Variants in PTPN23 observed in about 807,000 individuals in gnomAD.
PTPN23 encodes tyrosine-protein phosphatase non-receptor type 23.
Under a neutral mutation model 156.3 loss-of-function variants are expected in PTPN23, and 72 were observed. That is an observed-to-expected ratio of 0.46 (90% CI 0.38 to 0.56). PTPN23 has a LOEUF of 0.56. PTPN23 is among the 20% of genes least tolerant of loss of function. The pLI, the probability that PTPN23 is intolerant of heterozygous loss-of-function variation, is 0.00. For synonymous variants in PTPN23, 957 were observed against 899.6 expected (o/e 1.06, Z -1.14); for missense variants, 1,974 against 2,171.5 (o/e 0.91, Z 1.81).
chr3:47,411,716 G>C lies in PTPN23; in HGVS notation c.3888+30G>C. ...GAAGAGGGGGTGGGTGCCCACGAGG[G>C]CAGTGTGGGGTGGCAGGGCAGGGGA... is the stretch of plus-strand genomic sequence containing the variant. On this transcript the variant is annotated intron_variant, in intron 20 of 24. Coordinates refer to ENST00000265562, the MANE Select transcript of PTPN23 (RefSeq NM_015466.4). The surrounding 1 kb of genome is among the most constrained non-coding windows in gnomAD (Gnocchi z 6.3). 6.3e-7 allele frequency: 1 copy of C among 1,595,936 alleles called. No homozygotes were observed. The highest frequency in any genetic ancestry group is 8.6e-7 in the Non-Finnish European group (1 of 1,167,700).
intron 19 of PTPN23, 30 bp downstream of exon 19, chr3:47,409,864 C>A: frequency 6.2e-7 from 1 of 1,600,104 alleles, no homozygotes; most frequent in Non-Finnish European, 8.5e-7. Context: ...TGTGGTGCGG[C>A]TCGGGTCCAG....
In PTPN23 at chr3:47,412,106, C is replaced by T; in HGVS notation, c.4086C>T (p.Asp1362=). The change falls in exon 22 of 25, where the codon GAC becomes GAT. Residue 1362 remains aspartate (D), a synonymous_variant. Transcript: ENST00000265562. The part of the protein sequence containing the change: ...FPTWPELGLP[D]SPSNLLRFIQ... ...TCCTGTCCCACAGAGGCCTGCCCGA[C>T]AGCCCCAGCAACTTGCTGCGCTTCA... 1.2e-6 allele frequency: 2 copies of T among 1,613,102 alleles called. No homozygotes were observed. Among genetic ancestry groups the T allele is most frequent in the Non-Finnish European group, 1.7e-6 (2 of 1,180,022 alleles).
At chr3:47,398,720 G>A (rs1481789130) in intron 2 of PTPN23, among the ~76,000 whole-genome samples, 3 of 151,984 alleles carry the variant, frequency 2.0e-5, no homozygotes, top group Admixed American at 1.3e-4. Flanking sequence ...GCACACCACC[G>A]CATCCAGCCA....
chr3:47,407,125 C>T lies in PTPN23; in HGVS notation c.808-5C>T, dbSNP rs1439379659. On this transcript the variant is annotated splice_polypyrimidine_tract_variant and splice_region_variant and intron_variant, in intron 9 of 24. Transcript: ENST00000265562. This position sits in a 1 kb window ranked among gnomAD's most constrained non-coding sequence, Gnocchi z 4.0. ...CAGAGCAGGCTTTCCTGCCACCCTC[C>T]ACAGGTTGCATACTTCCAGAGCGCC... 2 of 1,613,888 alleles carry T rather than the reference C, an allele frequency of 1.2e-6. No individual in the cohort carries two copies. Among genetic ancestry groups the T allele is most frequent in the African/African-American group, 2.7e-5 (2 of 74,902 alleles).
rs759844494 is a variant in PTPN23 at position 47,408,006 on chromosome 3, C to T, written c.1184+51C>T. 1.1e-5 allele frequency: 17 copies of T among 1,587,638 alleles called. 1 individual carries two copies. In the South Asian group the frequency reaches 1.8e-4, roughly 17 times the overall value. ...GCGGAGGCAGGCAGCACTTCCCGGG[C>T]CTCTGGGGGCCCCAGGGCTGCCTAT... On this transcript the variant is annotated intron_variant, in intron 14 of 24. Transcript: ENST00000265562.
In PTPN23 at chr3:47,410,641, C is replaced by T; in HGVS notation, c.2843C>T (p.Ala948Val). The T allele has an allele frequency of 1.9e-6, 3 of 1,611,926 alleles. No individual in the cohort carries two copies. The highest frequency in any genetic ancestry group is 1.3e-5 in the African/African-American group (1 of 74,858). Residue 948 changes from alanine to valine, a missense_variant, in exon 20 of 25, where the codon GCC becomes GTC. By Grantham distance (64) the Ala-to-Val change is moderately conservative. Coordinates refer to ENST00000265562, the MANE Select transcript of PTPN23 (RefSeq NM_015466.4). The stretch of plus-strand genomic sequence containing the variant: ...TCTGGGATCCCCGCAGGTTTTCCAG[C>T]CCCAAGGATTGGGCCCCAGCCCCAG... ...FSSGIPAGFP[A>V]PRIGPQPQPH...
chr3:47,412,691 ACTCT>A lies in PTPN23; in HGVS notation c.4432-14_4432-11del. The A allele has an allele frequency of 1.3e-6, 2 of 1,596,988 alleles. No individual in the cohort carries two copies. Among genetic ancestry groups the A allele is most frequent in the Non-Finnish European group, 1.7e-6 (2 of 1,169,596 alleles). ...GCCTTGGGACTCCCTCTCCTCACTC[ACTCT>A]GTCTTCTCAGAACCACCTTCCTCAG... On this transcript the variant is annotated splice_polypyrimidine_tract_variant and intron_variant, in intron 24 of 24. Coordinates refer to ENST00000265562, the MANE Select transcript of PTPN23 (RefSeq NM_015466.4).
Position 47,408,949 on chromosome 3 carries a change from A to C in PTPN23, c.1504A>C (p.Met502Leu), listed in dbSNP as rs572187526. The change falls in exon 16 of 25, where the codon ATG becomes CTG. Residue 502 changes from methionine (M) to leucine (L), a missense_variant. This residue lies in a region of PTPN23 where 726 missense variants were observed against 929.5 expected (regional missense o/e 0.78). Transcript: ENST00000265562. ...AEVRREWAKY[M>L]EVHEKASFTN... ...GGTGAGGCGAGAATGGGCCAAGTAC[A>C]TGGAAGTCCATGAGAAGGCCTCCTT... 36 of 1,614,108 alleles carry C rather than the reference A, an allele frequency of 2.2e-5. No homozygotes were observed. The highest frequency in any genetic ancestry group is 8.0e-5 in the African/African-American group (6 of 74,938).
intron 2 of PTPN23, among the ~76,000 whole-genome samples, chr3:47,397,577 C>G (rs1205987571): frequency 6.6e-6 from 1 of 152,188 alleles, no homozygotes. Flanking sequence ...CCAATCCTTG[C>G]AATAACCCAG....
At position 47,406,566 on chromosome 3, in the gene PTPN23, A is replaced by G. The variant is rs2107715370; in HGVS notation, c.713A>G (p.Lys238Arg). The change falls in exon 8 of 25, where the codon AAG (lysine) becomes AGG (arginine). Residue 238 changes from lysine (K) to arginine (R), a missense_variant. Lys to Arg is a conservative substitution (Grantham distance 26, BLOSUM62 2). Coordinates refer to ENST00000265562, the MANE Select transcript of PTPN23 (RefSeq NM_015466.4). This position sits in a 1 kb window ranked among gnomAD's most constrained non-coding sequence, Gnocchi z 5.8. ...CTGGGCCGGATCCAGAAGGACTGGA[A>G]GAAACTTGTGCAGATGAAGATCTAC... ...SLLGRIQKDW[K>R]KLVQMKIYYF... The G allele has an allele frequency of 6.2e-7, 1 of 1,613,996 alleles. No homozygotes were observed. The highest frequency in any genetic ancestry group is 8.5e-7 in the Non-Finnish European group (1 of 1,180,000).
chr3:47,406,869 T>A lies in PTPN23; in HGVS notation c.807+119T>A. 1 of 1,342,416 alleles carries A rather than the reference T, an allele frequency of 7.4e-7. No individual in the cohort carries two copies. The highest frequency in any genetic ancestry group is 1.0e-6 in the Non-Finnish European group (1 of 964,156). The allele number at this position is 1,342,416 out of a possible 1,614,324, so 83.2% of individuals were successfully genotyped here. A position where few individuals can be genotyped will look rare whatever the true frequency, so the allele number is the denominator to read the frequency against. ...CTCTGTCTCACCCTGGCCATCACCC[T>A]GCTGGAGGCCTGGTGTCTTAAGTGT... is the stretch of plus-strand genomic sequence containing the variant. On this transcript the variant is annotated intron_variant, in intron 9 of 24. Coordinates refer to ENST00000265562, the MANE Select transcript of PTPN23 (RefSeq NM_015466.4). This position sits in a 1 kb window ranked among gnomAD's most constrained non-coding sequence, Gnocchi z 5.8.
Position 47,405,956 on chromosome 3 carries a change from C to T in PTPN23, c.456C>T (p.Gly152=), listed in dbSNP as rs748500428. Residue 152 remains glycine, a synonymous_variant, in exon 6 of 25, where the codon GGC becomes GGT. Transcript: ENST00000265562. This position sits in a 1 kb window ranked among gnomAD's most constrained non-coding sequence, Gnocchi z 4.7. ...GTACCCATTTCCAGTGCGCAGCCGG[C>T]GCCTTCGCCTACCTACGGGAGCACT... The part of the protein sequence containing the change: ...VSCTHFQCAA[G]AFAYLREHFP... The T allele has an allele frequency of 8.6e-5, 139 of 1,613,944 alleles. No homozygotes were observed. The highest frequency in any genetic ancestry group is 1.2e-4 in the Admixed American group (7 of 60,020).
rs1488759741 is a variant in PTPN23, at chr3:47,408,806, C to T, written c.1361C>T (p.Ala454Val). The T allele has an allele frequency of 1.9e-6, 3 of 1,607,366 alleles. No individual in the cohort carries two copies. The South Asian group carries it at 3.3e-5, about 18-fold the overall frequency. ...TCAGGTGTGTTCACGGATGTGGAGG[C>T]TTCCCTGAAGGACATCAGAGATCTG... Reference protein sequence around the residue: ...VLSGVFTDVEASLKDIRDLLE... With the variant: ...VLSGVFTDVEVSLKDIRDLLE... Residue 454 changes from alanine (A) to valine (V), a missense_variant, in exon 16 of 25, where the codon GCT (alanine) becomes GTT (valine). Ala to Val is a moderately conservative substitution (Grantham distance 64). Coordinates refer to ENST00000265562, the MANE Select transcript of PTPN23 (RefSeq NM_015466.4).
rs1343984019 is a variant in PTPN23, at chr3:47,407,754, C to G, written c.1061C>G (p.Pro354Arg). The G allele has an allele frequency of 1.2e-6, 2 of 1,614,068 alleles. No homozygotes were observed. The highest frequency in any genetic ancestry group is 1.7e-6 in the Non-Finnish European group (2 of 1,180,034). ...CCCACAGACCCAGCTGTTACAGGCC[C>G]TGACATCTTTGCCAAACTGGTACCC... ...VNPTDPAVTG[P>R]DIFAKLVPMA... The change falls in exon 13 of 25, where the codon CCT (proline) becomes CGT (arginine). Residue 354 changes from proline to arginine, a missense_variant. Around this residue, in one of 4 missense-constraint regions of PTPN23, gnomAD observed 726 missense variants for 929.5 expected, o/e 0.78. Coordinates refer to ENST00000265562, the MANE Select transcript of PTPN23 (RefSeq NM_015466.4). The surrounding 1 kb of genome is among the most constrained non-coding windows in gnomAD (Gnocchi z 4.0).
At position 47,411,218 on chromosome 3, in the gene PTPN23, G is replaced by A; in HGVS notation, c.3420G>A (p.Leu1140=). ...AGTCTCCTGGGGGTGGGCAGCCCCT[G>A]CTGCAGCCCACCAAGGTGGATGCAG... The part of the protein sequence containing the change: ...GTQSPGGGQP[L]LQPTKVDAAE... Residue 1140 remains leucine, a synonymous_variant, in exon 20 of 25, where the codon CTG becomes CTA. Transcript: ENST00000265562. The surrounding 1 kb of genome is among the most constrained non-coding windows in gnomAD (Gnocchi z 6.3). The A allele has an allele frequency of 6.2e-7, 1 of 1,605,522 alleles. No individual in the cohort carries two copies. The highest frequency in any genetic ancestry group is 8.5e-7 in the Non-Finnish European group (1 of 1,178,658).
At position 47,405,521 on chromosome 3, in the gene PTPN23, T is replaced by C; in HGVS notation, c.365-228T>C. ...CCCTGAAGCTTCAAGATTGGACCCC[T>C]TGGACAGGAGCCCTTCCATCCTCTG... On this transcript the variant is annotated intron_variant, in intron 4 of 24. Transcript: ENST00000265562. The surrounding 1 kb of genome is among the most constrained non-coding windows in gnomAD (Gnocchi z 4.7). 1 of 582,482 alleles carries C rather than the reference T, an allele frequency of 1.7e-6. No homozygotes were observed. Among genetic ancestry groups the C allele is most frequent in the Non-Finnish European group, 3.0e-6 (1 of 329,992 alleles). The allele number at this position is 582,482 out of a possible 1,614,324, so 36.1% of individuals were successfully genotyped here.
Position 47,409,685 on chromosome 3 carries a change from C to A in PTPN23, c.1980C>A (p.Ala660=). The A allele has an allele frequency of 6.2e-7, 1 of 1,610,458 alleles. No individual in the cohort carries two copies. The highest frequency in any genetic ancestry group is 8.5e-7 in the Non-Finnish European group (1 of 1,179,818). The change falls in exon 19 of 25, where the codon GCC becomes GCA. Residue 660 remains alanine, a synonymous_variant. Coordinates refer to ENST00000265562, the MANE Select transcript of PTPN23 (RefSeq NM_015466.4). ...ACTCCACGCTGCAGACCCTGGTGGC[C>A]TCGTATGAAGCCTATGAGGACCTGA... ...KWNSTLQTLV[A]SYEAYEDLMK...
Position 47,411,265 on chromosome 3 carries a change from C to T in PTPN23, c.3467C>T (p.Ala1156Val), listed in dbSNP as rs764841582. ...VDAAEGRRPQ[A>V]LRLIERDPYE... is the part of the protein sequence containing the mutation. ...GCAGCTGAGGGTCGTCGGCCGCAGG[C>T]CCTGCGGCTGATTGAGCGGGACCCC... Residue 1156 changes from alanine (A) to valine (V), a missense_variant, in exon 20 of 25, where the codon GCC (alanine) becomes GTC (valine). Ala to Val is a moderately conservative substitution (Grantham distance 64). Coordinates refer to ENST00000265562, the MANE Select transcript of PTPN23 (RefSeq NM_015466.4). This position sits in a 1 kb window ranked among gnomAD's most constrained non-coding sequence, Gnocchi z 6.3. 1.9e-6 allele frequency: 3 copies of T among 1,610,124 alleles called. No homozygotes were observed. The highest frequency in any genetic ancestry group is 1.3e-5 in the African/African-American group (1 of 74,930).
chr3:47,409,549 C>T lies in PTPN23; in HGVS notation c.1930C>T (p.Leu644Phe). 1 of 1,613,728 alleles carries T rather than the reference C, an allele frequency of 6.2e-7. No individual in the cohort carries two copies. The highest frequency in any genetic ancestry group is 8.5e-7 in the Non-Finnish European group (1 of 1,179,768). Reference sequence around the variant, plus strand: ...GCAGTACGCAGCCGTGCGGCGGGTACTCAGCGACTTGGACCAAAAGTCAGT... The same window carrying T: ...GCAGTACGCAGCCGTGCGGCGGGTATTCAGCGACTTGGACCAAAAGTCAGT... ...NVQYAAVRRV[L>F]SDLDQKWNST... Residue 644 changes from leucine (L) to phenylalanine (F), a missense_variant, in exon 18 of 25, where the codon CTC (leucine) becomes TTC (phenylalanine). Coordinates refer to ENST00000265562, the MANE Select transcript of PTPN23 (RefSeq NM_015466.4).
Sources: allele counts gnomAD v4.1 joint callset (sites outside exome capture counted in the v4.1 genomes callset), GRCh38; gene constraint gnomAD v4.1.1; regional missense constraint gnomAD v4.1.1; non-coding constraint Gnocchi (gnomAD v3.1); transcripts MANE v1.5; gene names NCBI Gene and HGNC (gene_info 2026-07-23, HGNC 2026-07-21).